Variants in TUSC3 observed in about 807,000 individuals in gnomAD.
TUSC3 encodes dolichyl-diphosphooligosaccharide--protein glycosyltransferase subunit TUSC3.
A neutral mutation model predicts 44.8 loss-of-function variants in TUSC3; 45 were observed. The ratio of observed to expected loss-of-function variants is 1.00; its 90% CI spans 0.79 to 1.29. TUSC3 has a LOEUF of 1.29. Among genes scored for constraint, TUSC3 ranks in the 50% most tolerant of loss-of-function variants. The probability of loss-of-function intolerance (pLI) is 0.00; values close to 1 mark genes in which losing one functional copy is unlikely to be tolerated. For missense variants in TUSC3, 519 were observed against 437.9 expected (o/e 1.19, Z -1.65); for synonymous variants, 212 against 152.9 (o/e 1.39, Z -2.85).
At chr8:15,573,202 CTATATATA>C (rs373565575) in intron 1 of TUSC3, among the ~76,000 whole-genome samples, 2,119 of 74,144 alleles carry the variant, frequency 0.029, 53 homozygotes, top group African/African-American at 0.062. Flanking sequence ...CTCTCTCTCT[CTATATATA>C]TATATATATA....
At chr8:15,487,264 A>C (rs180927324) in intron 2 of TUSC3, among the ~76,000 whole-genome samples, 166 of 152,314 alleles carry the variant, frequency 1.1e-3, no homozygotes, top group Non-Finnish European at 1.8e-3. Flanking sequence ...AACTTTAAAC[A>C]TGCCATGGTG....
intron 6 of TUSC3, among the ~76,000 whole-genome samples, chr8:15,679,503 T>C (rs1270033727): frequency 1.3e-5 from 2 of 152,178 alleles, no homozygotes; most frequent in East Asian, 3.8e-4. Context: ...ATTAGTCCTT[T>C]ATCAGATACA....
intron 2 of TUSC3, among the ~76,000 whole-genome samples, chr8:15,506,881 G>A (rs1234467492): frequency 6.6e-6 from 1 of 152,184 alleles, no homozygotes; most frequent in African/African-American, 2.4e-5. Flanking sequence ...AGAGAAGCCA[G>A]GAAGAATGTA....
chr8:15,420,365 G>A (rs1425335484), intron 1 of TUSC3, among the ~76,000 whole-genome samples: 1 of 152,028 alleles, frequency 6.6e-6, no homozygotes, highest in Non-Finnish European at 1.5e-5. Context: ...CGGGCATGGT[G>A]GCAGGCACCT....
chr8:15,642,376 G>A (rs1042972670), intron 2 of TUSC3, among the ~76,000 whole-genome samples: 2 of 152,032 alleles, frequency 1.3e-5, no homozygotes, highest in Admixed American at 1.3e-4. Flanking sequence ...AGTTTGATGA[G>A]AAAAGTTAAA....
the TUSC3 span, among the ~76,000 whole-genome samples, chr8:15,791,596 G>C: frequency 6.6e-6 from 1 of 151,896 alleles, no homozygotes; most frequent in Non-Finnish European, 1.5e-5. Context: ...TTTTATATTA[G>C]GCCTGATTTT....
chr8:15,711,514 T>C (rs138055324), intron 6 of TUSC3, among the ~76,000 whole-genome samples: 2,646 of 149,834 alleles, frequency 0.018, 82 homozygotes, highest in African/African-American at 0.062. Flanking sequence ...TGTGTGTATA[T>C]ATATATATTT....
the TUSC3 span, among the ~76,000 whole-genome samples, chr8:15,827,874 A>G: frequency 6.6e-6 from 1 of 152,122 alleles, no homozygotes; most frequent in Non-Finnish European, 1.5e-5. Flanking sequence ...GATAGGGTGA[A>G]TATATGCAGG....
intron 1 of TUSC3, among the ~76,000 whole-genome samples, chr8:15,454,591 C>T (rs1301366176): frequency 6.6e-6 from 1 of 152,202 alleles, no homozygotes; most frequent in Non-Finnish European, 1.5e-5. Flanking sequence ...ACAGAAGTTT[C>T]TCTGGCTAGC....
the TUSC3 span, among the ~76,000 whole-genome samples, chr8:15,828,104 C>G: frequency 6.6e-6 from 1 of 151,678 alleles, no homozygotes; most frequent in Non-Finnish European, 1.5e-5. Flanking sequence ...AAGCAACTCT[C>G]CTGCCTCAGC....
chr8:15,447,422 C>T (rs1005655941), intron 1 of TUSC3, among the ~76,000 whole-genome samples: 2 of 152,004 alleles, frequency 1.3e-5, no homozygotes, highest in Non-Finnish European at 2.9e-5. Flanking sequence ...ATTAAAGACA[C>T]AAGTTTAAAT....
intron 1 of TUSC3, among the ~76,000 whole-genome samples, chr8:15,564,904 G>C (rs1294589215): frequency 6.6e-6 from 1 of 152,138 alleles, no homozygotes; most frequent in Non-Finnish European, 1.5e-5. Flanking sequence ...AGAAGAGAAG[G>C]AGAGAGGCCA....
the TUSC3 span, among the ~76,000 whole-genome samples, chr8:15,811,124 G>A: frequency 0.025 from 3,767 of 152,188 alleles, 143 homozygotes; most frequent in African/African-American, 0.085. Context: ...GGGAAATGTC[G>A]CGTGGTTGTC....
At chr8:15,532,435 TA>T (rs1801461815) in intron 2 of TUSC3, among the ~76,000 whole-genome samples, 2 of 152,162 alleles carry the variant, frequency 1.3e-5, no homozygotes. Context: ...TGCCAAAAGT[TA>T]AGATAAGCCC....
intron 1 of TUSC3, among the ~76,000 whole-genome samples, chr8:15,455,212 C>A (rs749618380): frequency 1.4e-4 from 21 of 152,112 alleles, no homozygotes; most frequent in Non-Finnish European, 4.4e-5. Context: ...TGGCATTTGT[C>A]CTCCTATTCC....
At chr8:15,439,349 T>C (rs1313579926) in intron 1 of TUSC3, among the ~76,000 whole-genome samples, 1 of 152,172 alleles carries the variant, frequency 6.6e-6, no homozygotes, top group East Asian at 1.9e-4. Flanking sequence ...GAGGATTGTT[T>C]GAGCCCAGGA....
intron 7 of TUSC3, among the ~76,000 whole-genome samples, chr8:15,737,384 G>C (rs543688408): frequency 1.3e-5 from 2 of 151,896 alleles, no homozygotes; most frequent in Non-Finnish European, 2.9e-5. Context: ...AAATATATTC[G>C]TTACTAATTC....
chr8:15,459,121 A>AT (rs35575535), intron 1 of TUSC3, among the ~76,000 whole-genome samples: 2 of 152,104 alleles, frequency 1.3e-5, no homozygotes, highest in South Asian at 2.1e-4. Flanking sequence ...TTATGCCTTG[A>AT]TTTTTTTAAA....
intron 1 of TUSC3, among the ~76,000 whole-genome samples, chr8:15,433,018 G>T (rs1495094): frequency 1.3e-5 from 2 of 152,150 alleles, no homozygotes; most frequent in South Asian, 4.1e-4. Flanking sequence ...GGATTCTTCT[G>T]CAATTCCCTT....
Sources: allele counts gnomAD v4.1 joint callset (sites outside exome capture counted in the v4.1 genomes callset), GRCh38; gene constraint gnomAD v4.1.1; transcripts MANE v1.5; gene names NCBI Gene and HGNC (gene_info 2026-07-23, HGNC 2026-07-21).